The following TENT4A variants were observed in gnomAD, a reference collection of about 807,000 sequenced individuals.
The protein encoded by TENT4A is DNA polymerase kappa.
A neutral mutation model predicts 72.8 loss-of-function variants in TENT4A; 7 were observed. That is an observed-to-expected ratio of 0.10 (90% CI 0.05 to 0.18). The LOEUF (loss-of-function observed/expected upper bound fraction) is 0.18. Among genes scored for constraint, TENT4A ranks in the 10% least tolerant of loss-of-function variants. The pLI is 1.00. For missense variants in TENT4A, 831 were observed against 1,017.7 expected, an observed-to-expected ratio of 0.82 and a Z score of 2.50; for synonymous variants, 456 against 434.3, an observed-to-expected ratio of 1.05 and a Z score of -0.62.
At chr5:6,730,755 T>TAAAAA (rs5865676) in intron 1 of TENT4A, among the ~76,000 whole-genome samples, 3 of 130,044 alleles carry the variant, frequency 2.3e-5, no homozygotes, top group Non-Finnish European at 3.2e-5. Flanking sequence ...AGCCTTAATT[T>TAAAAA]AAAAAAAAAA....
At chr5:6,748,245 A>G (rs150287731) in intron 7 of TENT4A, among the ~76,000 whole-genome samples, 28 of 152,248 alleles carry the variant, frequency 1.8e-4, no homozygotes, top group African/African-American at 6.7e-4. Context: ...TCCTCTCGGC[A>G]CTCACAGACT....
chr5:6,742,158 C>T (rs1561039706), intron 4 of TENT4A, among the ~76,000 whole-genome samples: 1 of 152,198 alleles, frequency 6.6e-6, no homozygotes, highest in Non-Finnish European at 1.5e-5. Flanking sequence ...TGGGGCCAAG[C>T]ACCTCTCTCC....
intron 2 of TENT4A, 70 bp from the exon 3 acceptor site, chr5:6,738,613 G>A (rs1170210629): frequency 1.7e-6 from 2 of 1,153,008 alleles, no homozygotes; most frequent in Non-Finnish European, 2.6e-6. Flanking sequence ...CTTTCTTTTA[G>A]TAAGAAATAA....
intron 5 of TENT4A, among the ~76,000 whole-genome samples, chr5:6,743,311 G>T (rs1329223348): frequency 1.3e-5 from 2 of 151,986 alleles, no homozygotes; most frequent in Non-Finnish European, 2.9e-5. Context: ...CCTCCCTCCT[G>T]CCATCTCCTG....
Position 6,723,099 on chromosome 5 carries a change from C to T in TENT4A, c.716+8400C>T, listed in dbSNP as rs371969075. On this transcript the variant is annotated intron_variant, in intron 1 of 12. Transcript: ENST00000230859. Reference sequence around the variant, plus strand: ...ACTGTTGCTGAAATAAATTGAAACTCATACAACAGTAAAAGCTGTGTTACT... The same window carrying T: ...ACTGTTGCTGAAATAAATTGAAACTTATACAACAGTAAAAGCTGTGTTACT... Among the ~76,000 whole-genome samples, 9 of 152,356 alleles carry T rather than the reference C, an allele frequency of 5.9e-5. No individual in the cohort carries two copies. In the East Asian group the frequency reaches 1.3e-3, roughly 23 times the overall value.
At chr5:6,715,888 CCTCTT>C (rs1740359286) in intron 1 of TENT4A, among the ~76,000 whole-genome samples, 1 of 152,186 alleles carries the variant, frequency 6.6e-6, no homozygotes, top group Non-Finnish European at 1.5e-5. Flanking sequence ...AGCGCAGACT[CCTCTT>C]CTCTCCCTCC....
rs1740237739 is a variant in TENT4A, at chr5:6,714,193, C to A, written c.210C>A (p.Ala70=). ...GCGGCCTGGGCCCCGCGCTGCCCGC[C>A]GCGTCGCCCCCGCCGCCCGGCCCCA... ...GSGGLGPALP[A]ASPPPPGPTA... The change falls in exon 1 of 13, where the codon GCC becomes GCA. Residue 70 remains alanine (A), a synonymous_variant. Coordinates refer to ENST00000230859, the MANE Select transcript of TENT4A (RefSeq NM_006999.6). 2.2e-6 allele frequency: 2 copies of A among 920,904 alleles called. No individual in the cohort carries two copies. Among genetic ancestry groups the A allele is most frequent in the African/African-American group, 3.7e-5 (2 of 54,230 alleles). The allele number at this position is 920,904 out of a possible 1,614,324, so 57.0% of individuals were successfully genotyped here. A position where few individuals can be genotyped will look rare whatever the true frequency, so the allele number is the denominator to read the frequency against.
intron 1 of TENT4A, among the ~76,000 whole-genome samples, chr5:6,721,894 G>A (rs1343447200): frequency 1.3e-5 from 2 of 152,236 alleles, no homozygotes; most frequent in Non-Finnish European, 2.9e-5. Context: ...GGATGTGGGT[G>A]TTAGGTGATT....
intron 12 of TENT4A, 40 bp from the exon 13 acceptor site, chr5:6,754,711 G>C: frequency 6.7e-7 from 1 of 1,503,036 alleles, no homozygotes; most frequent in Non-Finnish European, 9.0e-7. Flanking sequence ...CATTGTGCCT[G>C]CTGTCTGGCT....
Position 6,750,631 on chromosome 5 carries a change from G to T in TENT4A, c.1860+128G>T, listed in dbSNP as rs1742350819. ...TTTGTTTCCTTGTATGTGTGTGGAG[G>T]TGGGTGGGGGGCAGCCCCGTGATGT... is the stretch of plus-strand genomic sequence containing the variant. On this transcript the variant is annotated intron_variant, in intron 10 of 12. Coordinates refer to ENST00000230859, the MANE Select transcript of TENT4A (RefSeq NM_006999.6). 4 of 864,864 alleles carry T rather than the reference G, an allele frequency of 4.6e-6. No homozygotes were observed. In the South Asian group the frequency reaches 7.5e-5, roughly 16 times the overall value. 53.6% of individuals were successfully genotyped at this position (864,864 alleles called of 1,614,324 possible). A position where few individuals can be genotyped will look rare whatever the true frequency, so the allele number is the denominator to read the frequency against.
intron 1 of TENT4A, among the ~76,000 whole-genome samples, chr5:6,732,923 C>A (rs1245610099): frequency 1.3e-5 from 2 of 152,156 alleles, no homozygotes; most frequent in Non-Finnish European, 2.9e-5. Context: ...TTTATAGATC[C>A]TACTTCTTTT....
intron 1 of TENT4A, among the ~76,000 whole-genome samples, chr5:6,726,675 G>T (rs1283739498): frequency 6.6e-6 from 1 of 152,148 alleles, no homozygotes; most frequent in Non-Finnish European, 1.5e-5. Flanking sequence ...AGGTGACTGG[G>T]CCCCTCCTTG....
rs1357122272 is a variant in TENT4A, at chr5:6,755,069, A to G, written c.*124A>G. 1 of 737,356 alleles carries G rather than the reference A, an allele frequency of 1.4e-6. No homozygotes were observed. Among genetic ancestry groups the G allele is most frequent in the African/African-American group, 1.8e-5 (1 of 56,596 alleles). The allele number at this position is 737,356 out of a possible 1,614,324, so 45.7% of individuals were successfully genotyped here. A position where few individuals can be genotyped will look rare whatever the true frequency, so the allele number is the denominator to read the frequency against. ...CGGGCTCGCGGCACGCCCGCCGCTGATCACTCTGCATGTTTCTTCGTGTGG... is the reference window on the plus strand; with the variant it reads ...CGGGCTCGCGGCACGCCCGCCGCTGGTCACTCTGCATGTTTCTTCGTGTGG... On this transcript the variant is annotated 3_prime_UTR_variant, in exon 13 of 13. Transcript: ENST00000230859.
intron 8 of TENT4A, 82 bp downstream of exon 8, chr5:6,748,672 G>A: frequency 7.2e-7 from 1 of 1,385,312 alleles, no homozygotes. Flanking sequence ...TTACCTCCAT[G>A]AAATTTATGA....
chr5:6,742,820 C>CAAA (rs1488311921), intron 5 of TENT4A, among the ~76,000 whole-genome samples: 1 of 152,202 alleles, frequency 6.6e-6, no homozygotes, highest in African/African-American at 2.4e-5. Flanking sequence ...ATAAAGTTGA[C>CAAA]AATTATTTTA....
chr5:6,742,925 A>T (rs1420369550), intron 5 of TENT4A, among the ~76,000 whole-genome samples: 2 of 152,090 alleles, frequency 1.3e-5, no homozygotes, highest in Non-Finnish European at 2.9e-5. Flanking sequence ...GGAAGTTGAT[A>T]AATCATGAGG....
At chr5:6,722,488 A>T (rs909248492) in intron 1 of TENT4A, among the ~76,000 whole-genome samples, 5 of 152,106 alleles carry the variant, frequency 3.3e-5, no homozygotes, top group Admixed American at 2.6e-4. Flanking sequence ...TTCTATTTTT[A>T]AAACATTTTA....
chr5:6,751,071 T>G lies in TENT4A; in HGVS notation c.1893T>G (p.Ser631Arg), dbSNP rs1394408584. 2.5e-6 allele frequency: 4 copies of G among 1,614,200 alleles called. No homozygotes were observed. The highest frequency in any genetic ancestry group is 3.4e-6 in the Non-Finnish European group (4 of 1,180,018). ...ACACACCGCCCTGCACAACGCCCAG[T>G]GTTTACCAGTTCAGTCTGCAAGCGC... ...DSDTPPCTTP[S>R]VYQFSLQAPA... Residue 631 changes from serine to arginine, a missense_variant, in exon 11 of 13, where the codon AGT becomes AGG. By Grantham distance (110) the Ser-to-Arg change is moderately radical (BLOSUM62 -1). Coordinates refer to ENST00000230859, the MANE Select transcript of TENT4A (RefSeq NM_006999.6).
At chr5:6,716,544 C>T (rs1409978947) in intron 1 of TENT4A, among the ~76,000 whole-genome samples, 1 of 152,212 alleles carries the variant, frequency 6.6e-6, no homozygotes, top group African/African-American at 2.4e-5. Flanking sequence ...TGCTTGAGTC[C>T]TTTCCCATCA....
Sources: gnomAD v4.1 joint callset for allele counts (sites outside exome capture counted in the v4.1 genomes callset) on GRCh38, gnomAD v4.1.1 for gene constraint, MANE v1.5 for transcripts, NCBI Gene and HGNC (gene_info 2026-07-23, HGNC 2026-07-21) for gene names.